BMAL1: variants seen among roughly 807,000 people sequenced by gnomAD.
BMAL1 encodes the protein basic helix-loop-helix ARNT like 1.
chr11:13,356,228 G>T, the BMAL1 span: 1 of 455,340 alleles, frequency 2.2e-6, no homozygotes, highest in East Asian at 7.0e-5. Context: ...TTGAAAAGCT[G>T]CCTGGGGCTC....
At chr11:13,309,666 G>A in the BMAL1 span, among the ~76,000 whole-genome samples, 1 of 152,076 alleles carries the variant, frequency 6.6e-6, no homozygotes, top group African/African-American at 2.4e-5. Context: ...ATGGGACGGG[G>A]TGAATTTAAC....
the BMAL1 span, among the ~76,000 whole-genome samples, chr11:13,366,254 A>T: frequency 6.6e-6 from 1 of 152,224 alleles, no homozygotes; most frequent in Non-Finnish European, 1.5e-5. Flanking sequence ...GAGCAAAGTT[A>T]TGGAGGAAGT....
At chr11:13,282,970 A>G in the BMAL1 span, among the ~76,000 whole-genome samples, 6 of 152,194 alleles carry the variant, frequency 3.9e-5, no homozygotes, top group African/African-American at 9.7e-5. Flanking sequence ...ATAAGTGGAC[A>G]TGGCCGTAAG....
At chr11:13,330,316 T>C in the BMAL1 span, among the ~76,000 whole-genome samples, 1 of 152,168 alleles carries the variant, frequency 6.6e-6, no homozygotes. Flanking sequence ...CAGTGCACTA[T>C]AGGGCAGGGC....
chr11:13,287,159 A>G, the BMAL1 span, among the ~76,000 whole-genome samples: 1 of 152,136 alleles, frequency 6.6e-6, no homozygotes, highest in Non-Finnish European at 1.5e-5. Flanking sequence ...GAGGTTTGAT[A>G]TTTAAGTGAC....
At chr11:13,336,018 C>T in the BMAL1 span, among the ~76,000 whole-genome samples, 1 of 152,100 alleles carries the variant, frequency 6.6e-6, no homozygotes, top group Non-Finnish European at 1.5e-5. Flanking sequence ...AGTGTGTGTG[C>T]GTGCATGCAT....
At chr11:13,322,362 G>A in the BMAL1 span, among the ~76,000 whole-genome samples, 1 of 152,090 alleles carries the variant, frequency 6.6e-6, no homozygotes, top group African/African-American at 2.4e-5. Context: ...ATTTCTTGAA[G>A]CTCTTTTTTG....
the BMAL1 span, among the ~76,000 whole-genome samples, chr11:13,324,612 T>C: frequency 3.3e-5 from 5 of 152,346 alleles, no homozygotes; most frequent in South Asian, 1.0e-3. Context: ...TCTGACTTTA[T>C]ATGATATGTT....
At chr11:13,345,940 G>A in the BMAL1 span, among the ~76,000 whole-genome samples, 1 of 152,266 alleles carries the variant, frequency 6.6e-6, no homozygotes, top group African/African-American at 2.4e-5. Context: ...CAACCATCCC[G>A]GTTTGTCTGG....
At chr11:13,353,663 C>T in the BMAL1 span, 2 of 152,014 alleles carry the variant, frequency 1.3e-5, no homozygotes, top group Non-Finnish European at 2.9e-5. Context: ...ACTAAAAATA[C>T]AAATATTAGC....
chr11:13,337,014 T>C, the BMAL1 span, among the ~76,000 whole-genome samples: 1 of 152,230 alleles, frequency 6.6e-6, no homozygotes, highest in African/African-American at 2.4e-5. Context: ...TAGTTCAAAG[T>C]AACACAACCT....
chr11:13,311,931 A>G, the BMAL1 span, among the ~76,000 whole-genome samples: 1 of 152,216 alleles, frequency 6.6e-6, no homozygotes, highest in African/African-American at 2.4e-5. Context: ...CCTTCTTACT[A>G]CAGAGTCTAT....
chr11:13,328,114 C>T, the BMAL1 span, among the ~76,000 whole-genome samples: 5 of 152,136 alleles, frequency 3.3e-5, no homozygotes, highest in Admixed American at 1.3e-4. Context: ...ATGAGATGTA[C>T]CTGCTGATTT....
the BMAL1 span, among the ~76,000 whole-genome samples, chr11:13,284,705 C>A: frequency 6.6e-6 from 1 of 151,824 alleles, no homozygotes; most frequent in Non-Finnish European, 1.5e-5. Context: ...TCTTTTTGCC[C>A]CCTCGTACTT....
At chr11:13,295,349 C>T in the BMAL1 span, among the ~76,000 whole-genome samples, 6 of 145,144 alleles carry the variant, frequency 4.1e-5, no homozygotes, top group East Asian at 2.0e-4. Context: ...GAGAGAGAGA[C>T]GATTAGCAGG....
At chr11:13,327,502 G>A in the BMAL1 span, among the ~76,000 whole-genome samples, 131 of 152,170 alleles carry the variant, frequency 8.6e-4, no homozygotes, top group African/African-American at 2.9e-3. Flanking sequence ...GCTTCCTTGC[G>A]CTTTTCTGGT....
At chr11:13,305,829 C>T in the BMAL1 span, among the ~76,000 whole-genome samples, 11 of 152,102 alleles carry the variant, frequency 7.2e-5, no homozygotes, top group Non-Finnish European at 1.5e-4. Flanking sequence ...GGCTGAAATA[C>T]AGTGGTTATT....
chr11:13,292,453 A>G, the BMAL1 span, among the ~76,000 whole-genome samples: 1 of 151,860 alleles, frequency 6.6e-6, no homozygotes, highest in Non-Finnish European at 1.5e-5. Flanking sequence ...AGGCTGAGGC[A>G]GGAGAATGGC....
the BMAL1 span, among the ~76,000 whole-genome samples, chr11:13,334,055 C>G: frequency 2.0e-5 from 3 of 152,146 alleles, no homozygotes; most frequent in African/African-American, 7.2e-5. Flanking sequence ...AAGCTCCGTA[C>G]GTGAATTGTC....
Sources: allele counts gnomAD v4.1 joint callset (sites outside exome capture counted in the v4.1 genomes callset), GRCh38; gene constraint gnomAD v4.1.1; transcripts MANE v1.5; gene names NCBI Gene and HGNC (gene_info 2026-07-23, HGNC 2026-07-21).